The following GATA4 variants were observed in gnomAD, a reference collection of about 807,000 sequenced individuals.
GATA4 encodes GATA binding protein 4, also known as transcription factor GATA-4.
GATA4 carries 7 observed loss-of-function variants against 37.9 expected under a neutral mutation model. That is an observed-to-expected ratio of 0.18 (90% CI 0.11 to 0.35). GATA4 has a LOEUF of 0.35. Among genes scored for constraint, GATA4 ranks in the 10% least tolerant of loss-of-function variants. The pLI is 1.00. For synonymous variants in GATA4, 372 were observed against 292.6 expected (o/e 1.27, Z -2.77); for missense variants, 647 against 653.0 (o/e 0.99, Z 0.10).
At chr8:11,741,350 G>A (rs561683931) in intron 2 of GATA4, among the ~76,000 whole-genome samples, 113 of 152,168 alleles carry the variant, frequency 7.4e-4, no homozygotes, top group African/African-American at 2.6e-3. Flanking sequence ...GTGGTGGTGT[G>A]CAACTGTAGT....
intron 2 of GATA4, among the ~76,000 whole-genome samples, chr8:11,733,842 G>C (rs771843631): frequency 6.6e-6 from 1 of 152,202 alleles, no homozygotes; most frequent in East Asian, 1.9e-4. Context: ...GCTTGGCTAT[G>C]AGACTTGCTT....
intron 4 of GATA4, among the ~76,000 whole-genome samples, chr8:11,753,496 G>GAA (rs34925763): frequency 0.32 from 45,896 of 142,908 alleles, 7,621 homozygotes; most frequent in East Asian, 0.59. Flanking sequence ...TACTGCAACT[G>GAA]AAAAAAAAAA....
Position 11,708,507 on chromosome 8 carries a change from C to T in GATA4, c.195C>T (p.Gly65=), listed in dbSNP as rs752600136. 110 of 1,474,732 alleles carry T rather than the reference C, an allele frequency of 7.5e-5. No homozygotes were observed. Among genetic ancestry groups the T allele is most frequent in the Non-Finnish European group, 7.9e-5 (89 of 1,120,222 alleles). The allele number at this position is 1,474,732 out of a possible 1,614,324, so 91.4% of individuals were successfully genotyped here. Residue 65 remains glycine, a synonymous_variant, in exon 2 of 7, where the codon GGC becomes GGT. Transcript: ENST00000532059. The surrounding 1 kb of genome is among the most constrained non-coding windows in gnomAD (Gnocchi z 6.7). Reference sequence around the variant, plus strand: ...GAGGCGCGGGCTCTGCGTCCGGAGGCGCCTCGGGCGGCAGCTCCGGTGGGG... The same window carrying T: ...GAGGCGCGGGCTCTGCGTCCGGAGGTGCCTCGGGCGGCAGCTCCGGTGGGG... ...QGGGAGSASG[G]ASGGSSGGAA... is the part of the protein sequence containing the mutation.
chr8:11,702,542 G>T (rs562808195), upstream of GATA4, among the ~76,000 whole-genome samples: 13 of 151,282 alleles, frequency 8.6e-5, no homozygotes, highest in East Asian at 5.8e-4. The surrounding 1 kb of genome is among the most constrained non-coding windows in gnomAD (Gnocchi z 4.4). Flanking sequence ...TGAGTCCGAA[G>T]GATCGCAGAT....
intron 5 of GATA4, among the ~76,000 whole-genome samples, chr8:11,755,845 G>T (rs1802532887): frequency 6.6e-6 from 1 of 151,142 alleles, no homozygotes; most frequent in Non-Finnish European, 1.5e-5. Context: ...AAAGTTTGAG[G>T]CTGCAGTGAC....
At chr8:11,689,627 T>A (rs748645571), upstream of GATA4, among the ~76,000 whole-genome samples, 1 of 152,194 alleles carries the variant, frequency 6.6e-6, no homozygotes, top group African/African-American at 2.4e-5. Context: ...AAGTAGTGCA[T>A]GGAATGACTG....
intron 1 of GATA4, among the ~76,000 whole-genome samples, chr8:11,693,562 C>CACAG (rs1405047773): frequency 2.0e-3 from 145 of 72,214 alleles, no homozygotes; most frequent in African/African-American, 6.7e-3. Context: ...CACACACACA[C>CACAG]AGAGAGAGAG....
intron 2 of GATA4, among the ~76,000 whole-genome samples, chr8:11,712,885 G>C (rs1437037925): frequency 6.6e-6 from 1 of 151,848 alleles, no homozygotes; most frequent in African/African-American, 2.4e-5. Flanking sequence ...GAAAAAGAAA[G>C]GATATACTCT....
chr8:11,754,141 T>G (rs928817643), intron 4 of GATA4, among the ~76,000 whole-genome samples: 1 of 152,110 alleles, frequency 6.6e-6, no homozygotes, highest in Non-Finnish European at 1.5e-5. Context: ...ATAAGTAGAG[T>G]GATGTTACAT....
chr8:11,697,199 C>T lies in GATA4; in HGVS notation c.-728-3309C>T, dbSNP rs150334831. 1.8e-3 allele frequency among the ~76,000 whole-genome samples: 271 copies of T among 152,348 alleles called. 2 individuals are homozygous for T. The highest frequency in any genetic ancestry group is 6.4e-3 in the African/African-American group (267 of 41,578). On this transcript the variant is annotated intron_variant, in intron 1 of 2. Transcript: ENST00000526974. ...AGCACCTCTGCTGCAGAACAGGGGG[C>T]AGCACCAGAAGTCCCACTCTAACCG...
intron 2 of GATA4, among the ~76,000 whole-genome samples, chr8:11,718,738 C>T (rs1365000271): frequency 6.6e-6 from 1 of 152,256 alleles, no homozygotes; most frequent in East Asian, 1.9e-4. Context: ...TTCTACTCCC[C>T]AGTTGAAATC....
intron 1 of GATA4, among the ~76,000 whole-genome samples, chr8:11,680,048 G>T (rs548253476): frequency 6.6e-6 from 1 of 152,226 alleles, no homozygotes; most frequent in African/African-American, 2.4e-5. Flanking sequence ...CTCCTGCCAG[G>T]GGGCTTGGAC....
intron 2 of GATA4, among the ~76,000 whole-genome samples, chr8:11,721,239 G>A (rs1800661780): frequency 6.6e-6 from 1 of 151,114 alleles, no homozygotes; most frequent in African/African-American, 2.4e-5. Context: ...CAGACTTGTG[G>A]CATCCTAAAG....
chr8:11,758,084 G>A (rs1316149177), intron 6 of GATA4, among the ~76,000 whole-genome samples: 1 of 152,200 alleles, frequency 6.6e-6, no homozygotes, highest in Non-Finnish European at 1.5e-5. Flanking sequence ...GTTGTATACT[G>A]TGCTCAGAAG....
At chr8:11,706,542 G>T (rs1040122886) in intron 1 of GATA4, among the ~76,000 whole-genome samples, 1 of 152,220 alleles carries the variant, frequency 6.6e-6, no homozygotes, top group East Asian at 1.9e-4. Context: ...GCATTTTGCA[G>T]ATGAGGAAAC....
At chr8:11,731,833 T>C (rs1385486394) in intron 2 of GATA4, among the ~76,000 whole-genome samples, 2 of 152,224 alleles carry the variant, frequency 1.3e-5, no homozygotes, top group African/African-American at 4.8e-5. Flanking sequence ...TCCTAACACT[T>C]CATTCTATTT....
intron 2 of GATA4, among the ~76,000 whole-genome samples, chr8:11,736,553 C>T (rs1801466933): frequency 6.6e-6 from 1 of 152,226 alleles, no homozygotes; most frequent in Non-Finnish European, 1.5e-5. Flanking sequence ...ACTCTGCAGC[C>T]CAGGGCGCCC....
chr8:11,721,964 A>G (rs1379762653), intron 2 of GATA4, among the ~76,000 whole-genome samples: 2 of 152,110 alleles, frequency 1.3e-5, no homozygotes, highest in Non-Finnish European at 2.9e-5. Flanking sequence ...TCTCACTTTG[A>G]TCCATCACCC....
chr8:11,710,491 C>G (rs1200291772), intron 2 of GATA4, among the ~76,000 whole-genome samples: 1 of 150,440 alleles, frequency 6.6e-6, no homozygotes, highest in East Asian at 2.0e-4. Flanking sequence ...ACCATCCTGG[C>G]CAACCTGTTG....
Sources: gnomAD v4.1 joint callset for allele counts (sites outside exome capture counted in the v4.1 genomes callset) on GRCh38, gnomAD v4.1.1 for gene constraint, Gnocchi (gnomAD v3.1) non-coding constraint, MANE v1.5 for transcripts, NCBI Gene and HGNC (gene_info 2026-07-23, HGNC 2026-07-21) for gene names.